The following AVL9 variants were observed in gnomAD, a reference collection of about 807,000 sequenced individuals.
The protein encoded by AVL9 is late secretory pathway protein AVL9 homolog.
AVL9 carries 49 observed loss-of-function variants against 79.2 expected under a neutral mutation model. The ratio of observed to expected loss-of-function variants is 0.62; its 90% confidence interval spans 0.49 to 0.79. AVL9 has a LOEUF of 0.79. AVL9 is among the 30% of genes least tolerant of loss of function. The pLI is 0.00. For synonymous variants in AVL9, 299 were observed against 280.6 expected (o/e 1.07, Z -0.65); for missense variants, 682 against 776.8 (o/e 0.88, Z 1.45).
At chr7:32,567,657 G>A (rs1790642999) in intron 10 of AVL9, among the ~76,000 whole-genome samples, 1 of 151,802 alleles carries the variant, frequency 6.6e-6, no homozygotes, top group African/African-American at 2.4e-5. Context: ...ACAAATGGTA[G>A]CAGAATGTGC....
At position 32,580,647 on chromosome 7, in the gene AVL9, C is replaced by A. The variant is rs116634407; in HGVS notation, c.1743-155C>A. 2,400 of 606,174 alleles carry A rather than the reference C, an allele frequency of 4.0e-3. 36 individuals carry two copies. The highest frequency in any genetic ancestry group is 0.036 in the African/African-American group (1,931 of 53,494). The allele number at this position is 606,174 out of a possible 1,614,324, so 37.5% of individuals were successfully genotyped here. A position where few individuals can be genotyped will look rare whatever the true frequency, so the allele number is the denominator to read the frequency against. On this transcript the variant is annotated intron_variant, in intron 14 of 15. Transcript: ENST00000318709. The stretch of plus-strand genomic sequence containing the variant: ...TGCTTAAAAGGTTAATAAATTAATT[C>A]ATAACAAATAATAATTTAGCTTCTT...
chr7:32,495,851 T>C, intron 1 of AVL9, 49 bp downstream of exon 1: 1 of 1,195,318 alleles, frequency 8.4e-7, no homozygotes, highest in East Asian at 3.2e-5. Context: ...CGTTCGCCCC[T>C]TCCGGGGCCC....
At chr7:32,583,358 A>T (rs1349211611) in intron 15 of AVL9, among the ~76,000 whole-genome samples, 1 of 152,240 alleles carries the variant, frequency 6.6e-6, no homozygotes, top group African/African-American at 2.4e-5. Context: ...CTAAAAATTT[A>T]AATGATATTT....
intron 1 of AVL9, among the ~76,000 whole-genome samples, chr7:32,524,727 G>A (rs956174484): frequency 6.6e-6 from 1 of 152,178 alleles, no homozygotes; most frequent in Non-Finnish European, 1.5e-5. Flanking sequence ...AAGCTGCAGT[G>A]CTAGTTGGGA....
At chr7:32,517,805 T>C (rs1000918175) in intron 1 of AVL9, among the ~76,000 whole-genome samples, 1 of 88,474 alleles carries the variant, frequency 1.1e-5, no homozygotes, top group Non-Finnish European at 2.3e-5. Flanking sequence ...TGATCTTTGC[T>C]TGTGTGTTTT....
chr7:32,555,309 C>T (rs972961072), intron 8 of AVL9, among the ~76,000 whole-genome samples: 1 of 152,172 alleles, frequency 6.6e-6, no homozygotes, highest in African/African-American at 2.4e-5. Context: ...TGCCACTACA[C>T]TCCAGCCTGC....
chr7:32,520,521 A>G (rs1371583289), intron 1 of AVL9, among the ~76,000 whole-genome samples: 1 of 152,158 alleles, frequency 6.6e-6, no homozygotes, highest in Non-Finnish European at 1.5e-5. Context: ...GGTCTGTTGT[A>G]AGGTCTATTT....
chr7:32,575,998 A>G lies in AVL9; in HGVS notation c.1614A>G (p.Thr538=). 2 of 1,614,134 alleles carry G rather than the reference A, an allele frequency of 1.2e-6. No homozygotes were observed. The highest frequency in any genetic ancestry group is 4.5e-5 in the East Asian group (2 of 44,882). The change falls in exon 13 of 16, where the codon ACA becomes ACG. Residue 538 remains threonine, a synonymous_variant. Transcript: ENST00000318709. ...CGGACTATGGGACAACTTTTGTTAC[A>G]GCATGGAAGAATACTCACAACTACA... ...ILSDYGTTFV[T]AWKNTHNYRV... is the part of the protein sequence containing the mutation.
chr7:32,512,435 C>T (rs1163680386), intron 1 of AVL9, among the ~76,000 whole-genome samples: 3 of 152,152 alleles, frequency 2.0e-5, no homozygotes, highest in South Asian at 2.1e-4. Flanking sequence ...GACCAGAAAA[C>T]GAACTACCAG....
chr7:32,584,070 G>A lies in AVL9; in HGVS notation c.*163G>A. The A allele has an allele frequency of 1.4e-6, 1 of 693,172 alleles. No homozygotes were observed. Among genetic ancestry groups the A allele is most frequent in the Non-Finnish European group, 2.7e-6 (1 of 372,556 alleles). 42.9% of individuals were successfully genotyped at this position (693,172 alleles called of 1,614,324 possible). A position where few individuals can be genotyped will look rare whatever the true frequency, so the allele number is the denominator to read the frequency against. On this transcript the variant is annotated 3_prime_UTR_variant, in exon 16 of 16. Coordinates refer to ENST00000318709, the MANE Select transcript of AVL9 (RefSeq NM_015060.3). ...GAATGTTTCGGGATGCCGAAATGAT[G>A]AAATCACAGCCATAGCAGGGATGGC...
intron 10 of AVL9, among the ~76,000 whole-genome samples, chr7:32,566,018 T>C (rs1202213041): frequency 6.7e-6 from 1 of 148,930 alleles, no homozygotes; most frequent in Non-Finnish European, 1.5e-5. Flanking sequence ...GTGCCAGTAG[T>C]CCCAGCTACT....
Position 32,558,912 on chromosome 7 carries a change from G to A in AVL9, c.680-17G>A, listed in dbSNP as rs1466144. ...ATTATTATAAGCCAAGCTGTTCTTT[G>A]ATATTGCATATTTTAGGCATGATTG... On this transcript the variant is annotated splice_polypyrimidine_tract_variant and intron_variant, in intron 9 of 15. Coordinates refer to ENST00000318709, the MANE Select transcript of AVL9 (RefSeq NM_015060.3). 1,275,979 of 1,545,376 alleles carry A rather than the reference G, an allele frequency of 0.83. 527,349 individuals carry two copies. The highest frequency in any genetic ancestry group is 0.89 in the Admixed American group (43,600 of 48,802).
In AVL9 at chr7:32,530,364, T is replaced by C. The variant is rs117607709; in HGVS notation, c.94-12777T>C. ...AAGTAGCTCTCCAAAACAAATCTGG[T>C]ATTACTGGAAATTATTTGTCAGAAA... On this transcript the variant is annotated intron_variant, in intron 1 of 15. Transcript: ENST00000318709. Among the ~76,000 whole-genome samples the C allele has an allele frequency of 2.8e-3, 426 of 152,360 alleles. 2 individuals carry two copies. The highest frequency in any genetic ancestry group is 3.5e-3 in the Non-Finnish European group (235 of 68,042).
At chr7:32,564,779 A>G (rs1182602165) in intron 10 of AVL9, among the ~76,000 whole-genome samples, 1 of 152,156 alleles carries the variant, frequency 6.6e-6, no homozygotes, top group Admixed American at 6.6e-5. Flanking sequence ...CTAAGGAATA[A>G]GAGGCGGGGC....
chr7:32,545,385 T>TTTTTG (rs1789442109), intron 3 of AVL9, among the ~76,000 whole-genome samples: 1 of 104,336 alleles, frequency 9.6e-6, no homozygotes, highest in Non-Finnish European at 2.1e-5. Context: ...TTTTTTTTTT[T>TTTTTG]TTTTGAGGAG....
Position 32,567,001 on chromosome 7 carries a change from T to A in AVL9, c.1216-3019T>A, listed in dbSNP as rs73307217. Among the ~76,000 whole-genome samples, 1,085 of 152,328 alleles carry A rather than the reference T, an allele frequency of 7.1e-3. 15 individuals carry two copies. Among genetic ancestry groups the A allele is most frequent in the African/African-American group, 0.025 (1,032 of 41,566 alleles). On this transcript the variant is annotated intron_variant, in intron 10 of 15. Coordinates refer to ENST00000318709, the MANE Select transcript of AVL9 (RefSeq NM_015060.3). Reference sequence around the variant, plus strand: ...CTAAAGAGCAGTAGCCATTTCTTTGTTTGGCTTTTATTATATCTGGTACTT... The same window carrying A: ...CTAAAGAGCAGTAGCCATTTCTTTGATTGGCTTTTATTATATCTGGTACTT...
chr7:32,503,365 TATATATATACACACAC>T (rs1183998176), intron 1 of AVL9, among the ~76,000 whole-genome samples: 10 of 103,116 alleles, frequency 9.7e-5, no homozygotes, highest in East Asian at 5.6e-4. Context: ...TAGAGAGATA[TATATATATACACACAC>T]ACACACACAC....
intron 11 of AVL9, among the ~76,000 whole-genome samples, chr7:32,570,956 G>A (rs999484792): frequency 4.1e-5 from 6 of 145,564 alleles, no homozygotes; most frequent in East Asian, 2.2e-4. Flanking sequence ...GAGGCTCGGC[G>A]CAGTGGCTCA....
chr7:32,537,529 C>T (rs1788971608), intron 1 of AVL9: 1 of 138,136 alleles, frequency 7.2e-6, no homozygotes, highest in Non-Finnish European at 1.5e-5. Context: ...GTGGCGCCAT[C>T]TCGGCTCACT....
Sources: gnomAD v4.1 joint callset for allele counts (sites outside exome capture counted in the v4.1 genomes callset) on GRCh38, gnomAD v4.1.1 for gene constraint, MANE v1.5 for transcripts, NCBI Gene and HGNC (gene_info 2026-07-23, HGNC 2026-07-21) for gene names.